NCKAP5: variants seen among roughly 807,000 people sequenced by gnomAD.
NCKAP5 encodes nck-associated protein 5.
Under a neutral mutation model 167.0 loss-of-function variants are expected in NCKAP5, and 92 were observed. The ratio of observed to expected loss-of-function variants is 0.55; its 90% confidence interval spans 0.47 to 0.66. The LOEUF (loss-of-function observed/expected upper bound fraction) is 0.66, where lower values mean the gene tolerates loss of function less well. Ranked by LOEUF, NCKAP5 falls within the 30% of genes least tolerant of loss-of-function variation. The probability of loss-of-function intolerance (pLI) is 0.00; values close to 1 mark genes in which losing one functional copy is unlikely to be tolerated. For missense variants in NCKAP5, 2,378 were observed against 2,315.0 expected (o/e 1.03, Z -0.56); for synonymous variants, 891 against 877.4 (o/e 1.02, Z -0.27).
the NCKAP5 span, among the ~76,000 whole-genome samples, chr2:133,625,867 T>C: frequency 1.6e-5 from 2 of 121,830 alleles, no homozygotes; most frequent in Non-Finnish European, 1.7e-5. Flanking sequence ...GCGAGACTTG[T>C]CTCAAAAAAA....
At chr2:133,248,827 C>A (rs949569296) in intron 4 of NCKAP5, among the ~76,000 whole-genome samples, 4 of 152,170 alleles carry the variant, frequency 2.6e-5, no homozygotes, top group Non-Finnish European at 5.9e-5. Flanking sequence ...CAGACCCAAC[C>A]CTGGTCCTTG....
intron 6 of NCKAP5, among the ~76,000 whole-genome samples, chr2:133,124,829 C>G (rs1288264023): frequency 6.6e-6 from 1 of 152,166 alleles, no homozygotes; most frequent in African/African-American, 2.4e-5. Flanking sequence ...GTGAAGATCA[C>G]CTGAGCCCAG....
intron 6 of NCKAP5, among the ~76,000 whole-genome samples, chr2:133,097,522 T>G (rs930253841): frequency 1.3e-5 from 2 of 152,226 alleles, no homozygotes; most frequent in Non-Finnish European, 2.9e-5. Flanking sequence ...TGTAAGCTCC[T>G]AAGACATTAA....
intron 4 of NCKAP5, among the ~76,000 whole-genome samples, chr2:133,247,948 G>A (rs1212542189): frequency 1.3e-5 from 2 of 152,220 alleles, no homozygotes; most frequent in Non-Finnish European, 1.5e-5. Context: ...GAGGGGATTA[G>A]CAGTCTCCCT....
chr2:132,999,331 G>A (rs1225221014), intron 6 of NCKAP5, among the ~76,000 whole-genome samples: 1 of 152,162 alleles, frequency 6.6e-6, no homozygotes, highest in Non-Finnish European at 1.5e-5. Flanking sequence ...CATGAGAAGA[G>A]TAACAATTCA....
intron 3 of NCKAP5, among the ~76,000 whole-genome samples, chr2:133,504,076 A>T (rs1378721938): frequency 1.3e-5 from 2 of 152,306 alleles, no homozygotes; most frequent in Middle Eastern, 3.4e-3. Flanking sequence ...AGGGAAAAAA[A>T]AAGTCTAATG....
At position 132,784,334 on chromosome 2, in the gene NCKAP5, G is replaced by A. The variant is rs758206497; in HGVS notation, c.2477C>T (p.Pro826Leu). The A allele has an allele frequency of 3.7e-6, 6 of 1,613,920 alleles. No individual in the cohort carries two copies. Among genetic ancestry groups the A allele is most frequent in the Non-Finnish European group, 5.1e-6 (6 of 1,179,906 alleles). ...LMEPEATTLLPSSGLVTLEKS... is the reference protein window; with the variant it reads ...LMEPEATTLLLSSGLVTLEKS... The stretch of plus-strand genomic sequence containing the variant: ...TTCAAGAGTCACCAGGCCAGATGAA[G>A]GGAGTAGTGTGGTGGCTTCGGGCTC... The change falls in exon 14 of 20, where the codon CCT becomes CTT. Residue 826 changes from proline (P) to leucine (L), a missense_variant. By Grantham distance (98) the Pro-to-Leu change is moderately conservative. Around this residue, in one of 3 missense-constraint regions of NCKAP5, gnomAD observed 1,049 missense variants for 1,023.4 expected, o/e 1.02. Transcript: ENST00000409261.
chr2:132,881,759 G>C (rs1691777628), intron 8 of NCKAP5, among the ~76,000 whole-genome samples: 1 of 151,964 alleles, frequency 6.6e-6, no homozygotes, highest in African/African-American at 2.4e-5. Flanking sequence ...CTTGGTTAAG[G>C]TAGGGTCTGC....
At chr2:133,642,130 G>C in the NCKAP5 span, among the ~76,000 whole-genome samples, 4 of 152,160 alleles carry the variant, frequency 2.6e-5, no homozygotes, top group African/African-American at 9.7e-5. Flanking sequence ...GGACGCAAGA[G>C]AGAGAAACTG....
chr2:133,392,612 G>A (rs1687487988), intron 3 of NCKAP5, among the ~76,000 whole-genome samples: 1 of 152,050 alleles, frequency 6.6e-6, no homozygotes, highest in Admixed American at 6.5e-5. Flanking sequence ...TAGAACAATG[G>A]CTACAACATC....
chr2:133,043,958 T>C (rs2079301498), intron 6 of NCKAP5, among the ~76,000 whole-genome samples: 1 of 151,876 alleles, frequency 6.6e-6, no homozygotes, highest in Non-Finnish European at 1.5e-5. Context: ...GTGTAGTTCC[T>C]CACAAATGGA....
intron 7 of NCKAP5, among the ~76,000 whole-genome samples, chr2:132,969,379 A>G (rs2076764629): frequency 6.6e-6 from 1 of 152,158 alleles, no homozygotes; most frequent in Non-Finnish European, 1.5e-5. Context: ...CTCAGTTAGC[A>G]TTTCTAAATC....
intron 2 of NCKAP5, among the ~76,000 whole-genome samples, chr2:133,526,019 C>A (rs1431383462): frequency 1.3e-5 from 2 of 152,046 alleles, no homozygotes; most frequent in East Asian, 3.9e-4. Context: ...GGAGTAGATA[C>A]TCTGTTGGTA....
chr2:132,723,140 ATT>A (rs869234028), intron 19 of NCKAP5, among the ~76,000 whole-genome samples: 4,557 of 93,250 alleles, frequency 0.049, 208 homozygotes, highest in African/African-American at 0.19. Context: ...GCCAGGTGGT[ATT>A]TTTTTTTTTT....
chr2:133,075,258 C>A (rs1238589715), intron 6 of NCKAP5, among the ~76,000 whole-genome samples: 1 of 152,016 alleles, frequency 6.6e-6, no homozygotes, highest in Non-Finnish European at 1.5e-5. Flanking sequence ...AATTTTAAAT[C>A]CAGTAAAACT....
chr2:133,092,521 C>T (rs2081218124), intron 6 of NCKAP5, among the ~76,000 whole-genome samples: 1 of 152,226 alleles, frequency 6.6e-6, no homozygotes, highest in African/African-American at 2.4e-5. Flanking sequence ...CCTAAGTTAA[C>T]ATTTCAATAG....
chr2:132,973,221 A>C (rs1438914173), intron 7 of NCKAP5, among the ~76,000 whole-genome samples: 1 of 152,164 alleles, frequency 6.6e-6, no homozygotes, highest in Non-Finnish European at 1.5e-5. Context: ...ATTATGGCAG[A>C]GGGGATAGGC....
intron 5 of NCKAP5, among the ~76,000 whole-genome samples, chr2:133,131,581 CT>C (rs1280688393): frequency 6.6e-6 from 1 of 152,126 alleles, no homozygotes; most frequent in Non-Finnish European, 1.5e-5. Flanking sequence ...TGAAGCTGGC[CT>C]TTTGCTTACT....
intron 8 of NCKAP5, among the ~76,000 whole-genome samples, chr2:132,899,596 C>T (rs959085202): frequency 2.6e-5 from 4 of 152,190 alleles, no homozygotes; most frequent in African/African-American, 9.7e-5. Context: ...AGACATGGGC[C>T]GAGCACAGTG....
Sources: gnomAD v4.1 joint callset for allele counts (sites outside exome capture counted in the v4.1 genomes callset) on GRCh38, gnomAD v4.1.1 for gene constraint, gnomAD v4.1.1 regional missense constraint, MANE v1.5 for transcripts, NCBI Gene and HGNC (gene_info 2026-07-23, HGNC 2026-07-21) for gene names.